The following SDK1 variants were observed in gnomAD, a reference collection of about 807,000 sequenced individuals.
SDK1 encodes protein sidekick-1.
Under a neutral mutation model 245.5 loss-of-function variants are expected in SDK1, and 157 were observed. The ratio of observed to expected loss-of-function variants is 0.64; its 90% confidence interval spans 0.56 to 0.73. SDK1 has a LOEUF of 0.73. SDK1 is among the 30% of genes least tolerant of loss of function. The pLI is 0.00. For synonymous variants in SDK1, 1,647 were observed against 1,278.5 expected (o/e 1.29, Z -6.15); for missense variants, 3,583 against 3,002.3 (o/e 1.19, Z -4.52).
chr7:3,776,942 C>T (rs115888693), intron 4 of SDK1, among the ~76,000 whole-genome samples: 103 of 152,246 alleles, frequency 6.8e-4, no homozygotes, highest in East Asian at 2.9e-3. Context: ...TATACCCACA[C>T]GGACTGTGAT....
chr7:3,518,732 A>T (rs56341242), intron 1 of SDK1, among the ~76,000 whole-genome samples: 40,594 of 151,986 alleles, frequency 0.27, 5,609 homozygotes, highest in East Asian at 0.33. Context: ...TATGCAGGAA[A>T]GTAAACTAGT....
intron 1 of SDK1, among the ~76,000 whole-genome samples, chr7:3,542,263 C>T (rs997589854): frequency 3.9e-5 from 6 of 152,050 alleles, no homozygotes; most frequent in Non-Finnish European, 8.8e-5. Flanking sequence ...TGAAATCTAG[C>T]GACTGTAGAT....
In SDK1 at chr7:3,641,977, T is replaced by C. The variant is rs753968165; in HGVS notation, c.585T>C (p.Asp195=). 6 of 1,613,914 alleles carry C rather than the reference T, an allele frequency of 3.7e-6. No homozygotes were observed. The highest frequency in any genetic ancestry group is 1.6e-4 in the Middle Eastern group (1 of 6,062). ...CTGCAGATATGGGAAGTTTCATGGA[T>C]ACGGACCAGAGGAAAACAGTTTCTC... is the stretch of plus-strand genomic sequence containing the variant. ...VQVAYMGSFM[D]TDQRKTVSQG... Residue 195 remains aspartate (D), a synonymous_variant, in exon 4 of 45, where the codon GAT becomes GAC. Coordinates refer to ENST00000404826, the MANE Select transcript of SDK1 (RefSeq NM_152744.4).
chr7:3,410,209 A>G (rs1209775069), intron 1 of SDK1, among the ~76,000 whole-genome samples: 1 of 152,326 alleles, frequency 6.6e-6, no homozygotes, highest in Non-Finnish European at 1.5e-5. Flanking sequence ...GAGCACTGAC[A>G]TGACACCTCA....
At chr7:3,811,710 C>T (rs973099981) in intron 4 of SDK1, among the ~76,000 whole-genome samples, 4 of 152,152 alleles carry the variant, frequency 2.6e-5, no homozygotes, top group African/African-American at 7.2e-5. Flanking sequence ...GCTGCCTGGC[C>T]GTGCAGAAGC....
At chr7:3,789,661 T>C (rs536561828) in intron 4 of SDK1, among the ~76,000 whole-genome samples, 58 of 152,328 alleles carry the variant, frequency 3.8e-4, no homozygotes, top group African/African-American at 1.3e-3. Flanking sequence ...TCTACACTTA[T>C]ATCATCTCTT....
At chr7:4,037,453 ACAAAAAATG>A (rs1366829624) in intron 17 of SDK1, among the ~76,000 whole-genome samples, 2 of 152,084 alleles carry the variant, frequency 1.3e-5, no homozygotes, top group South Asian at 2.1e-4. Context: ...ACCCATCTCT[ACAAAAAATG>A]CAAAAAATTA....
At chr7:4,113,521 T>G in intron 24 of SDK1, 82 bp downstream of exon 24, 2 of 1,486,992 alleles carry the variant, frequency 1.3e-6, no homozygotes, top group South Asian at 1.2e-5. Context: ...GCTTAGGAGT[T>G]TCTTAGTCAC....
At chr7:3,361,639 T>C (rs1217258938) in intron 1 of SDK1, among the ~76,000 whole-genome samples, 1 of 152,228 alleles carries the variant, frequency 6.6e-6, no homozygotes, top group Non-Finnish European at 1.5e-5. Context: ...AAGAGCAAGG[T>C]GTGGTGCCTG....
intron 29 of SDK1, 43 bp downstream of exon 29, chr7:4,145,959 C>T (rs549253221): frequency 4.7e-4 from 727 of 1,533,992 alleles, no homozygotes; most frequent in African/African-American, 5.8e-4. Flanking sequence ...ATGTTGTGGG[C>T]ACAGCTTCCT....
chr7:4,264,893 G>A (rs1260475006), intron 44 of SDK1, among the ~76,000 whole-genome samples: 1 of 152,046 alleles, frequency 6.6e-6, no homozygotes, highest in Non-Finnish European at 1.5e-5. Context: ...GCTGGATGCA[G>A]CTGAGAAAAT....
chr7:3,424,521 T>A (rs147095244), intron 1 of SDK1, among the ~76,000 whole-genome samples: 1 of 152,310 alleles, frequency 6.6e-6, no homozygotes, highest in African/African-American at 2.4e-5. Context: ...TTTGAAGATA[T>A]GTCTCTTATG....
intron 25 of SDK1, among the ~76,000 whole-genome samples, chr7:4,116,426 G>A (rs957507635): frequency 1.3e-5 from 2 of 152,182 alleles, no homozygotes; most frequent in East Asian, 1.9e-4. Context: ...ATCTGCACGT[G>A]CCACCCGCTC....
chr7:4,103,059 G>GGTGC (rs1179493619), intron 22 of SDK1, among the ~76,000 whole-genome samples: 1 of 147,724 alleles, frequency 6.8e-6, no homozygotes, highest in African/African-American at 2.5e-5. Context: ...GGAGTGTAGT[G>GGTGC]GTGCGATCTC....
intron 17 of SDK1, among the ~76,000 whole-genome samples, chr7:4,019,965 C>T (rs1168993754): frequency 2.0e-5 from 3 of 152,300 alleles, no homozygotes; most frequent in Admixed American, 2.0e-4. Flanking sequence ...CTCCCGTGTG[C>T]TCAGTGGGAT....
chr7:3,651,355 T>C (rs1783009110), intron 4 of SDK1, among the ~76,000 whole-genome samples: 1 of 152,166 alleles, frequency 6.6e-6, no homozygotes, highest in African/African-American at 2.4e-5. Flanking sequence ...TCTCTTAATG[T>C]GCTGATTTTA....
chr7:4,144,447 G>A (rs1277943571), intron 28 of SDK1, among the ~76,000 whole-genome samples: 9 of 39,822 alleles, frequency 2.3e-4, no homozygotes, highest in Admixed American at 3.2e-4. Flanking sequence ...TCTGTGTGGC[G>A]GTGATGACGG....
At chr7:3,355,129 G>A (rs1418279280) in intron 1 of SDK1, among the ~76,000 whole-genome samples, 1 of 152,166 alleles carries the variant, frequency 6.6e-6, no homozygotes, top group Non-Finnish European at 1.5e-5. Context: ...AAAATTTGCA[G>A]CAAGGTGTTT....
intron 12 of SDK1, among the ~76,000 whole-genome samples, chr7:3,972,884 A>G (rs1464097014): frequency 6.6e-6 from 1 of 152,178 alleles, no homozygotes; most frequent in Non-Finnish European, 1.5e-5. Flanking sequence ...AAACAAGCAA[A>G]ACAAAAACCA....
Sources: gnomAD v4.1 joint callset for allele counts (sites outside exome capture counted in the v4.1 genomes callset) on GRCh38, gnomAD v4.1.1 for gene constraint, MANE v1.5 for transcripts, NCBI Gene and HGNC (gene_info 2026-07-23, HGNC 2026-07-21) for gene names.